SMG6: variants seen among roughly 807,000 people sequenced by gnomAD.
The protein encoded by SMG6 is SMG6 nonsense mediated mRNA decay factor, also known as telomerase-binding protein EST1A.
SMG6 carries 66 observed loss-of-function variants against 142.2 expected under a neutral mutation model. That is an observed-to-expected ratio of 0.46 (90% CI 0.38 to 0.57). SMG6 has a LOEUF of 0.57. Among genes scored for constraint, SMG6 ranks in the 20% least tolerant of loss-of-function variants. SMG6 has a pLI of 0.00. For synonymous variants in SMG6, 779 were observed against 702.4 expected (o/e 1.11, Z -1.72); for missense variants, 1,793 against 1,832.0 (o/e 0.98, Z 0.39).
intron 13 of SMG6, among the ~76,000 whole-genome samples, chr17:2,165,436 A>G (rs2071307675): frequency 6.6e-6 from 1 of 152,250 alleles, no homozygotes; most frequent in Non-Finnish European, 1.5e-5. Context: ...TGACTTGCTA[A>G]TATAGCTTAT....
At chr17:2,277,312 G>A (rs1194875216) in intron 8 of SMG6, among the ~76,000 whole-genome samples, 6 of 151,712 alleles carry the variant, frequency 4.0e-5, no homozygotes, top group East Asian at 1.9e-4. Flanking sequence ...GACTACAGGT[G>A]CCTGCCACCA....
chr17:2,286,707 G>T (rs1228056949), intron 6 of SMG6, among the ~76,000 whole-genome samples: 1 of 152,040 alleles, frequency 6.6e-6, no homozygotes, highest in Non-Finnish European at 1.5e-5. Flanking sequence ...TGGTTTCATA[G>T]CTATGACATC....
chr17:2,278,059 T>G (rs1382522975), intron 8 of SMG6, among the ~76,000 whole-genome samples: 3 of 151,986 alleles, frequency 2.0e-5, no homozygotes, highest in Admixed American at 1.3e-4. Context: ...CAAAAAAAAA[T>G]TTTATAATGC....
At chr17:2,260,331 C>A (rs564891467) in intron 8 of SMG6, among the ~76,000 whole-genome samples, 11 of 152,288 alleles carry the variant, frequency 7.2e-5, no homozygotes, top group East Asian at 5.8e-4. Context: ...TTTCCCCCCC[C>A]ACAGCCAGAT....
chr17:2,205,686 ACTC>A (rs1466931859), intron 10 of SMG6, among the ~76,000 whole-genome samples: 4 of 152,092 alleles, frequency 2.6e-5, no homozygotes, highest in Non-Finnish European at 5.9e-5. Context: ...AGGAAAAACA[ACTC>A]CTTTTTCTCA....
At chr17:2,132,821 C>G (rs2070166944) in intron 13 of SMG6, among the ~76,000 whole-genome samples, 1 of 152,152 alleles carries the variant, frequency 6.6e-6, no homozygotes, top group Non-Finnish European at 1.5e-5. Context: ...GAGACAGGGT[C>G]TCATTTTGTC....
chr17:2,236,701 T>TCTCA (rs1161732926), intron 9 of SMG6, 64 bp from the exon 10 acceptor site: 8 of 958,956 alleles, frequency 8.3e-6, no homozygotes, highest in African/African-American at 7.3e-5. Flanking sequence ...TCACTCTGTC[T>TCTCA]CACACACACA....
Position 2,299,251 on chromosome 17 carries a change from A to C in SMG6, c.1502T>G (p.Phe501Cys), listed in dbSNP as rs747274213. Residue 501 changes from phenylalanine to cysteine, a missense_variant, in exon 2 of 19, where the codon TTT becomes TGT. Coordinates refer to ENST00000263073, the MANE Select transcript of SMG6 (RefSeq NM_017575.5). This position sits in a 1 kb window ranked among gnomAD's most constrained non-coding sequence, Gnocchi z 4.3. Reference protein sequence around the residue: ...SRQAQASYYKFQNSDNPYYYP... With the variant: ...SRQAQASYYKCQNSDNPYYYP... The stretch of plus-strand genomic sequence containing the variant: ...ATAATAGGGGTTGTCAGAGTTTTGA[A>C]ACTTATAGTAAGATGCCTGAGCCTG... The C allele has an allele frequency of 6.2e-7, 1 of 1,613,962 alleles. No homozygotes were observed.
chr17:2,223,243 C>T (rs984162774), intron 10 of SMG6, among the ~76,000 whole-genome samples: 1 of 152,222 alleles, frequency 6.6e-6, no homozygotes, highest in African/African-American at 2.4e-5. Flanking sequence ...AGCACGTGTC[C>T]GGATTTCAGA....
At position 2,141,392 on chromosome 17, in the gene SMG6, A is replaced by G. The variant is rs192907407; in HGVS notation, c.3357+31266T>C. ...TTTGTGATTTTGAGAAAACTTTTAA[A>G]AAATCATTAAGTGGGAATTACAGGA... On this transcript the variant is annotated intron_variant, in intron 13 of 18. Transcript: ENST00000263073. Among the ~76,000 whole-genome samples the G allele has an allele frequency of 4.1e-4, 63 of 152,340 alleles. No individual in the cohort carries two copies. The East Asian group carries it at 4.4e-3, about 11-fold the overall frequency.
intron 13 of SMG6, among the ~76,000 whole-genome samples, chr17:2,128,122 C>T (rs1567619635): frequency 6.6e-6 from 1 of 152,184 alleles, no homozygotes. Context: ...GGGTGAAGGG[C>T]GCTGGCAGCA....
intron 13 of SMG6, chr17:2,088,211 G>A (rs1460201596): frequency 1.6e-5 from 16 of 985,272 alleles, no homozygotes; most frequent in Middle Eastern, 5.2e-4. Context: ...GCTAGAGCAC[G>A]GGCTACATGG....
intron 8 of SMG6, among the ~76,000 whole-genome samples, chr17:2,254,740 G>A (rs574408693): frequency 2.6e-5 from 4 of 152,188 alleles, no homozygotes; most frequent in African/African-American, 9.6e-5. Context: ...AAAACCTACT[G>A]GGCACATTTT....
chr17:2,075,183 C>A (rs1195558790), intron 15 of SMG6, among the ~76,000 whole-genome samples: 2 of 152,156 alleles, frequency 1.3e-5, no homozygotes, highest in Non-Finnish European at 2.9e-5. Context: ...GTGTGGGGGG[C>A]TCTGTGTATA....
intron 13 of SMG6, among the ~76,000 whole-genome samples, chr17:2,170,173 C>T (rs921730763): frequency 1.3e-5 from 2 of 152,096 alleles, no homozygotes; most frequent in African/African-American, 2.4e-5. Context: ...ATTTCACAGT[C>T]GTTGAAGTGG....
intron 13 of SMG6, among the ~76,000 whole-genome samples, chr17:2,112,524 AAAATAAATAAATAAAT>A (rs141512888): frequency 1.6e-3 from 219 of 139,708 alleles, no homozygotes; most frequent in South Asian, 0.013. Flanking sequence ...AATAAAATAA[AAAATAAATAAATAAAT>A]AAATAAATAA....
chr17:2,293,467 T>C (rs908276420), intron 4 of SMG6, among the ~76,000 whole-genome samples: 5 of 99,618 alleles, frequency 5.0e-5, no homozygotes, highest in African/African-American at 1.1e-4. Flanking sequence ...CTATTCTTTT[T>C]TTTCCCCCCT....
chr17:2,132,066 C>G (rs1471665840), intron 13 of SMG6, among the ~76,000 whole-genome samples: 3 of 151,822 alleles, frequency 2.0e-5, no homozygotes, highest in East Asian at 3.9e-4. Context: ...GAGCAAGACT[C>G]TGTCTCCAAA....
chr17:2,237,430 G>A (rs1351518606), intron 9 of SMG6: 1 of 767,500 alleles, frequency 1.3e-6, no homozygotes, highest in Non-Finnish European at 1.6e-6. Context: ...ATTGTCTTCT[G>A]AGGTACTATC....
Sources: gnomAD v4.1 joint callset for allele counts (sites outside exome capture counted in the v4.1 genomes callset) on GRCh38, gnomAD v4.1.1 for gene constraint, Gnocchi (gnomAD v3.1) non-coding constraint, MANE v1.5 for transcripts, NCBI Gene and HGNC (gene_info 2026-07-23, HGNC 2026-07-21) for gene names.